The following ENOX1 variants were observed in gnomAD, a reference collection of about 807,000 sequenced individuals.
The protein encoded by ENOX1 is candidate growth-related and time keeping constitutive hydroquinone (NADH) oxidase.
Under a neutral mutation model 82.5 loss-of-function variants are expected in ENOX1, and 42 were observed. The ratio of observed to expected loss-of-function variants is 0.51; its 90% confidence interval spans 0.40 to 0.66. The LOEUF is 0.66. Among genes scored for constraint, ENOX1 ranks in the 30% least tolerant of loss-of-function variants. The probability of loss-of-function intolerance (pLI) is 0.00; values close to 1 mark genes in which losing one functional copy is unlikely to be tolerated. For synonymous variants in ENOX1, 271 were observed against 282.2 expected (o/e 0.96, Z 0.40); for missense variants, 608 against 811.6 (o/e 0.75, Z 3.05).
intron 2 of ENOX1, among the ~76,000 whole-genome samples, chr13:43,587,319 T>C (rs2081044035): frequency 6.6e-6 from 1 of 152,194 alleles, no homozygotes; most frequent in African/African-American, 2.4e-5. Context: ...CATCCATTAC[T>C]TTTCTCTGGC....
chr13:43,328,813 A>C (rs912253250), intron 9 of ENOX1, among the ~76,000 whole-genome samples: 2 of 152,242 alleles, frequency 1.3e-5, no homozygotes, highest in African/African-American at 4.8e-5. Context: ...ATCCCAAGGC[A>C]TAAGTTCAGT....
At chr13:43,607,532 C>T (rs1162370508) in intron 2 of ENOX1, among the ~76,000 whole-genome samples, 1 of 152,104 alleles carries the variant, frequency 6.6e-6, no homozygotes, top group Non-Finnish European at 1.5e-5. Context: ...ATATAGAAAA[C>T]CCTGGCTTGA....
intron 1 of ENOX1, among the ~76,000 whole-genome samples, chr13:43,753,126 C>G (rs1950410977): frequency 6.6e-6 from 1 of 152,208 alleles, no homozygotes; most frequent in South Asian, 2.1e-4. Flanking sequence ...TCTCAAACTG[C>G]TGGGATTACA....
intron 14 of ENOX1, among the ~76,000 whole-genome samples, chr13:43,247,298 G>A (rs1306916898): frequency 3.3e-5 from 5 of 152,208 alleles, no homozygotes; most frequent in Non-Finnish European, 7.3e-5. Flanking sequence ...GGGCAACAGA[G>A]TGAGACTCCA....
intron 3 of ENOX1, among the ~76,000 whole-genome samples, chr13:43,449,724 C>A (rs943660861): frequency 6.0e-5 from 9 of 151,228 alleles, no homozygotes; most frequent in African/African-American, 2.2e-4. Flanking sequence ...CTTTTATGTT[C>A]TTTTAATACT....
At chr13:43,505,168 T>C (rs1240741584) in intron 2 of ENOX1, among the ~76,000 whole-genome samples, 1 of 151,832 alleles carries the variant, frequency 6.6e-6, no homozygotes, top group Non-Finnish European at 1.5e-5. Flanking sequence ...CAGTTCAACA[T>C]GGTAATCGGA....
chr13:43,566,224 C>T (rs1325811155), intron 2 of ENOX1, among the ~76,000 whole-genome samples: 1 of 151,928 alleles, frequency 6.6e-6, no homozygotes, highest in Non-Finnish European at 1.5e-5. Context: ...AATTAATATG[C>T]CAGTTTGTAT....
chr13:43,518,223 T>C (rs978938591), intron 2 of ENOX1, among the ~76,000 whole-genome samples: 18 of 152,228 alleles, frequency 1.2e-4, no homozygotes, highest in African/African-American at 3.8e-4. Flanking sequence ...CTTCTTTTTA[T>C]TCAGTTCATT....
intron 5 of ENOX1, among the ~76,000 whole-genome samples, chr13:43,375,733 C>T (rs2051585365): frequency 6.6e-6 from 1 of 152,222 alleles, no homozygotes; most frequent in African/African-American, 2.4e-5. Flanking sequence ...TTTGTAAATA[C>T]ATACCCAGGT....
At chr13:43,653,705 T>C (rs2084300095) in intron 2 of ENOX1, among the ~76,000 whole-genome samples, 1 of 152,162 alleles carries the variant, frequency 6.6e-6, no homozygotes, top group Non-Finnish European at 1.5e-5. Flanking sequence ...GCAAACTCAC[T>C]ACAGAACTTG....
intron 1 of ENOX1, among the ~76,000 whole-genome samples, chr13:43,710,871 C>CT (rs144855488): frequency 0.011 from 1,582 of 147,550 alleles, 14 homozygotes; most frequent in Non-Finnish European, 0.016. Flanking sequence ...AAAGAAATAC[C>CT]TTTTTTTTTT....
chr13:43,691,573 A>G (rs1566778979), intron 1 of ENOX1, among the ~76,000 whole-genome samples: 1 of 152,082 alleles, frequency 6.6e-6, no homozygotes, highest in Non-Finnish European at 1.5e-5. Flanking sequence ...TCCTCACCTA[A>G]GAGACTTTCA....
chr13:43,533,558 C>G (rs971631145), intron 2 of ENOX1, among the ~76,000 whole-genome samples: 1 of 152,100 alleles, frequency 6.6e-6, no homozygotes, highest in Non-Finnish European at 1.5e-5. Context: ...GTGATGCACA[C>G]GGCCCTTAAT....
intron 2 of ENOX1, among the ~76,000 whole-genome samples, chr13:43,520,044 G>A (rs901801733): frequency 3.9e-5 from 6 of 152,092 alleles, no homozygotes; most frequent in African/African-American, 1.4e-4. Flanking sequence ...ATGAGCCTGG[G>A]CCCCATTCAT....
At chr13:43,462,616 G>T (rs1289273551) in intron 3 of ENOX1, among the ~76,000 whole-genome samples, 1 of 152,202 alleles carries the variant, frequency 6.6e-6, no homozygotes, top group Non-Finnish European at 1.5e-5. Context: ...TACATTTTCT[G>T]TTATCACTGG....
intron 7 of ENOX1, among the ~76,000 whole-genome samples, chr13:43,356,688 T>C (rs1341897572): frequency 6.6e-6 from 1 of 152,200 alleles, no homozygotes; most frequent in African/African-American, 2.4e-5. Context: ...CCCCAGAAAA[T>C]GCTGCTGCTC....
intron 2 of ENOX1, among the ~76,000 whole-genome samples, chr13:43,530,743 A>G (rs2078175082): frequency 6.6e-6 from 1 of 152,160 alleles, no homozygotes; most frequent in Non-Finnish European, 1.5e-5. Context: ...AAATCAAATT[A>G]GCATAATTAA....
chr13:43,693,703 A>G (rs1053938200), intron 1 of ENOX1, among the ~76,000 whole-genome samples: 18 of 152,316 alleles, frequency 1.2e-4, no homozygotes, highest in African/African-American at 4.3e-4. Flanking sequence ...GGATAAACGC[A>G]TGCACAGGTT....
intron 14 of ENOX1, among the ~76,000 whole-genome samples, chr13:43,249,673 T>C (rs1005319294): frequency 6.6e-6 from 1 of 152,184 alleles, no homozygotes; most frequent in African/African-American, 2.4e-5. Context: ...AATATTAAAA[T>C]TTAGAGGGTT....
Sources: gnomAD v4.1 joint callset for allele counts (sites outside exome capture counted in the v4.1 genomes callset) on GRCh38, gnomAD v4.1.1 for gene constraint, MANE v1.5 for transcripts, NCBI Gene and HGNC (gene_info 2026-07-23, HGNC 2026-07-21) for gene names.